MAP3K9: variants seen among roughly 807,000 people sequenced by gnomAD.
MAP3K9 encodes mitogen-activated protein kinase kinase kinase 9.
In MAP3K9, 46 loss-of-function variants were observed where a neutral mutation model predicts 95.8. The ratio of observed to expected loss-of-function variants is 0.48; its 90% confidence interval spans 0.38 to 0.61. MAP3K9 has a LOEUF of 0.61. MAP3K9 is among the 20% of genes least tolerant of loss of function. MAP3K9 has a pLI of 0.00. For synonymous variants in MAP3K9, 533 were observed against 593.8 expected (o/e 0.90, Z 1.49); for missense variants, 1,296 against 1,474.3 (o/e 0.88, Z 1.98).
At chr14:70,764,155 C>T (rs1370058476) in intron 2 of MAP3K9, among the ~76,000 whole-genome samples, 2 of 102,988 alleles carry the variant, frequency 1.9e-5, no homozygotes, top group African/African-American at 3.8e-5. Context: ...CACTGCAGTC[C>T]GCAGTCCGGC....
At chr14:70,731,062 G>T (rs992276073) in intron 11 of MAP3K9, among the ~76,000 whole-genome samples, 198 bp from the exon 12 acceptor site, 10 of 151,282 alleles carry the variant, frequency 6.6e-5, no homozygotes, top group African/African-American at 1.2e-4. Context: ...TATCTGATAA[G>T]AATAATAGGA....
rs2054909185 is a variant in MAP3K9 at position 70,799,830 on chromosome 14, C to CAGAGAGGA, written c.820+836_820+837insTCCTCTCT. Among the ~76,000 whole-genome samples the CAGAGAGGA allele has an allele frequency of 9.2e-5, 14 of 152,326 alleles. No individual in the cohort carries two copies. In the South Asian group the frequency reaches 2.9e-3, roughly 32 times the overall value. ...AGTCCTTCAACTCAAATGCCCTCCT[C>CAGAGAGGA]TCTGGGACAGGATGCTCCAAGTGAT... On this transcript the variant is annotated intron_variant, in intron 2 of 11. Coordinates refer to ENST00000554752, the MANE Select transcript of MAP3K9 (RefSeq NM_001284230.2).
intron 2 of MAP3K9, among the ~76,000 whole-genome samples, chr14:70,774,643 T>C (rs2054572473): frequency 2.0e-5 from 3 of 151,596 alleles, no homozygotes; most frequent in East Asian, 1.9e-4. Context: ...TACTCTAGCC[T>C]GCGTGACAGA....
Position 70,727,489 on chromosome 14 carries a change from G to T in MAP3K9, c.*2891C>A, listed in dbSNP as rs2053834475. 6.6e-6 allele frequency: 1 copy of T among 152,522 alleles called. No homozygotes were observed. The highest frequency in any genetic ancestry group is 6.5e-5 in the Admixed American group (1 of 15,290). 9.4% of individuals were successfully genotyped at this position (152,522 alleles called of 1,614,324 possible). On this transcript the variant is annotated 3_prime_UTR_variant, in exon 12 of 12. Transcript: ENST00000554752. ...TGTGCAAAGGGAAGGCAGAGGAAAG[G>T]GGGGCCGGCTACTGCCACTCAAGTG...
intron 2 of MAP3K9, among the ~76,000 whole-genome samples, chr14:70,791,862 T>C (rs2054811145): frequency 6.6e-6 from 1 of 152,216 alleles, no homozygotes; most frequent in African/African-American, 2.4e-5. Flanking sequence ...TGTGTCTTTT[T>C]TGTTTCCTGC....
intron 9 of MAP3K9, among the ~76,000 whole-genome samples, chr14:70,734,825 A>G (rs939161922): frequency 3.3e-5 from 5 of 152,228 alleles, no homozygotes; most frequent in Admixed American, 6.5e-5. Context: ...GCCCATCTCA[A>G]GAGAGAAGCA....
At position 70,749,014 on chromosome 14, in the gene MAP3K9, A is replaced by T. The variant is rs535956423; in HGVS notation, c.1151-10T>A. 1.9e-6 allele frequency: 3 copies of T among 1,606,210 alleles called. No homozygotes were observed. The highest frequency in any genetic ancestry group is 3.4e-5 in the Admixed American group (2 of 59,238). On this transcript the variant is annotated splice_polypyrimidine_tract_variant and intron_variant, in intron 4 of 11. Coordinates refer to ENST00000554752, the MANE Select transcript of MAP3K9 (RefSeq NM_001284230.2). ...TCAGGATTCCAGCAGTCTGAATAGA[A>T]CATGTGAATACTCAGAAAGCATGAA...
At position 70,732,840 on chromosome 14, in the gene MAP3K9, G is replaced by T; in HGVS notation, c.2529C>A (p.Cys843Ter). 6.2e-7 allele frequency: 1 copy of T among 1,614,014 alleles called. No individual in the cohort carries two copies. Among genetic ancestry groups the T allele is most frequent in the Non-Finnish European group, 8.5e-7 (1 of 1,179,928 alleles). Reference protein sequence around the residue: ...TLLSLSSISECNSTRSLLRSD... With the variant: ...TLLSLSSISE ...AGCGCAGCAGGGAGCGTGTGGAGTT[G>T]CACTCGGAGATGGAGGAGAGGGAGA... is the stretch of plus-strand genomic sequence containing the variant. The change falls in exon 11 of 12, where the codon TGC (cysteine) becomes TGA (stop). Residue 843 changes from cysteine (C) to a stop codon, truncating the protein, a stop_gained. Coordinates refer to ENST00000554752, the MANE Select transcript of MAP3K9 (RefSeq NM_001284230.2). LOFTEE classifies it high-confidence loss of function.
intron 2 of MAP3K9, among the ~76,000 whole-genome samples, chr14:70,792,685 C>T (rs1364871272): frequency 6.6e-6 from 1 of 152,324 alleles, no homozygotes; most frequent in Middle Eastern, 3.4e-3. Flanking sequence ...CTCTACCATG[C>T]GTGCAGGACG....
rs116712674 is a variant in MAP3K9 at position 70,746,007 on chromosome 14, A to C, written c.1326+2822T>G. 5.4e-3 allele frequency among the ~76,000 whole-genome samples: 826 copies of C among 152,350 alleles called. 13 individuals are homozygous for C. The highest frequency in any genetic ancestry group is 0.019 in the African/African-American group (781 of 41,590). On this transcript the variant is annotated intron_variant, in intron 5 of 11. Coordinates refer to ENST00000554752, the MANE Select transcript of MAP3K9 (RefSeq NM_001284230.2). Reference sequence around the variant, plus strand: ...TCAAATTAATTGTTGTGCGCCCTCCAAATCCTTTGTTTCTCTGTCCTATGA... The same window carrying C: ...TCAAATTAATTGTTGTGCGCCCTCCCAATCCTTTGTTTCTCTGTCCTATGA...
At chr14:70,795,332 A>G (rs1346085023) in intron 2 of MAP3K9, among the ~76,000 whole-genome samples, 1 of 148,230 alleles carries the variant, frequency 6.7e-6, no homozygotes, top group African/African-American at 2.5e-5. Context: ...TTTTTGAGAT[A>G]GAGTCTCACT....
Position 70,808,979 on chromosome 14 carries a change from C to T in MAP3K9, c.193G>A (p.Ala65Thr), listed in dbSNP as rs1423200437. Residue 65 changes from alanine (A) to threonine (T), a missense_variant, in exon 1 of 12, where the codon GCG becomes ACG. Physicochemically the swap from Ala to Thr is moderately conservative, Grantham distance 58. This residue lies in a region of MAP3K9 where 338 missense variants were observed against 363.4 expected (regional missense o/e 0.93). Transcript: ENST00000554752. ...AGGGTCAGCTCGTCCTCGCCCGCCGCCTCGTACTCGAACACGGCCGTCCAG... is the reference window on the plus strand; with the variant it reads ...AGGGTCAGCTCGTCCTCGCCCGCCGTCTCGTACTCGAACACGGCCGTCCAG... The part of the protein sequence containing the change: ...PYWTAVFEYE[A>T]AGEDELTLRL... 4 of 1,566,520 alleles carry T rather than the reference C, an allele frequency of 2.6e-6. No homozygotes were observed. The highest frequency in any genetic ancestry group is 3.4e-6 in the Non-Finnish European group (4 of 1,163,288).
intron 1 of MAP3K9, among the ~76,000 whole-genome samples, chr14:70,805,728 G>C (rs1472643403): frequency 6.6e-6 from 1 of 152,140 alleles, no homozygotes; most frequent in African/African-American, 2.4e-5. Flanking sequence ...AAACCAGCCT[G>C]GGCAACAAAG....
chr14:70,730,851 G>A lies in MAP3K9; in HGVS notation c.2844C>T (p.Thr948=). The A allele has an allele frequency of 6.2e-7, 1 of 1,601,968 alleles. No individual in the cohort carries two copies. The highest frequency in any genetic ancestry group is 1.1e-5 in the South Asian group (1 of 90,824). The change falls in exon 12 of 12, where the codon ACC becomes ACT. Residue 948 remains threonine (T), a synonymous_variant. Coordinates refer to ENST00000554752, the MANE Select transcript of MAP3K9 (RefSeq NM_001284230.2). ...SPSPGAGMLK[T]PSPSRDPGEF... ...CACCTGGGTCTCGGCTGGGACTGGGGGTTTTCAACATTCCTGGTCAAAAAG... is the reference window on the plus strand; with the variant it reads ...CACCTGGGTCTCGGCTGGGACTGGGAGTTTTCAACATTCCTGGTCAAAAAG...
chr14:70,780,941 G>A (rs1480853415), intron 2 of MAP3K9, among the ~76,000 whole-genome samples: 1 of 152,204 alleles, frequency 6.6e-6, no homozygotes, highest in Non-Finnish European at 1.5e-5. Flanking sequence ...CCGCCGCACA[G>A]GCTCTCCAGG....
At chr14:70,753,126 C>G (rs1384075984) in intron 3 of MAP3K9, among the ~76,000 whole-genome samples, 2 of 152,192 alleles carry the variant, frequency 1.3e-5, no homozygotes, top group Admixed American at 6.5e-5. Flanking sequence ...CTCTCCAAAC[C>G]TCAGTTTCCT....
In MAP3K9 at chr14:70,733,334, C is replaced by A; in HGVS notation, c.2035G>T (p.Asp679Tyr). 1 of 1,315,286 alleles carries A rather than the reference C, an allele frequency of 7.6e-7. No homozygotes were observed. The highest frequency in any genetic ancestry group is 2.3e-5 in the East Asian group (1 of 42,986). The allele number at this position is 1,315,286 out of a possible 1,614,324, so 81.5% of individuals were successfully genotyped here. The change falls in exon 11 of 12, where the codon GAC becomes TAC. Residue 679 changes from aspartate to tyrosine, a missense_variant. By Grantham distance (160) the Asp-to-Tyr change is radical. This residue lies in a region of MAP3K9 where 377 missense variants were observed against 417.1 expected (regional missense o/e 0.90). Transcript: ENST00000554752. Reference protein sequence around the residue: ...FTSLMEMEDEDSEGPGSGESR... With the variant: ...FTSLMEMEDEYSEGPGSGESR... ...TCTCCACTCCCTGGGCCTTCACTGT[C>A]CTCATCCTCTGTGAAGATGACAAGA...
At chr14:70,777,131 A>G (rs1470487556) in intron 2 of MAP3K9, among the ~76,000 whole-genome samples, 1 of 151,918 alleles carries the variant, frequency 6.6e-6, no homozygotes, top group Non-Finnish European at 1.5e-5. Context: ...ACACCCGGCC[A>G]AAGATCTCTC....
At chr14:70,734,575 A>AGCT in intron 9 of MAP3K9, 77 bp from the exon 10 acceptor site, 2 of 802,384 alleles carry the variant, frequency 2.5e-6, no homozygotes, top group Non-Finnish European at 2.1e-6. Context: ...GGGTCTATGG[A>AGCT]GACGTTTCTC....
Sources: allele counts gnomAD v4.1 joint callset (sites outside exome capture counted in the v4.1 genomes callset), GRCh38; gene constraint gnomAD v4.1.1; regional missense constraint gnomAD v4.1.1; transcripts MANE v1.5; gene names NCBI Gene and HGNC (gene_info 2026-07-23, HGNC 2026-07-21).